NXN: variants seen among roughly 807,000 people sequenced by gnomAD.
The protein encoded by NXN is nucleoredoxin.
NXN carries 16 observed loss-of-function variants against 48.6 expected under a neutral mutation model. That is an observed-to-expected ratio of 0.33 (90% CI 0.22 to 0.50). NXN has a LOEUF of 0.50. Ranked by LOEUF, NXN falls within the 20% of genes least tolerant of loss-of-function variation. The probability of loss-of-function intolerance (pLI) is 0.98; values close to 1 mark genes in which losing one functional copy is unlikely to be tolerated. For missense variants in NXN, 492 were observed against 605.5 expected, an observed-to-expected ratio of 0.81 and a Z score of 1.97; for synonymous variants, 281 against 269.6, an observed-to-expected ratio of 1.04 and a Z score of -0.41.
At position 800,794 on chromosome 17, in the gene NXN, C is replaced by T. The variant is rs1911159587; in HGVS notation, c.*155G>A. The T allele has an allele frequency of 9.0e-6, 4 of 444,008 alleles. No homozygotes were observed. Among genetic ancestry groups the T allele is most frequent in the East Asian group, 7.1e-5 (2 of 28,198 alleles). 27.5% of individuals were successfully genotyped at this position (444,008 alleles called of 1,614,324 possible). On this transcript the variant is annotated 3_prime_UTR_variant, in exon 8 of 8. Transcript: ENST00000336868. ...CTGATTCCACACCCCAGGGTGCTGG[C>T]TGAGGAGTTTACTGCAGAAACAAGG... is the stretch of plus-strand genomic sequence containing the variant.
chr17:856,679 G>C (rs571662991), intron 1 of NXN, among the ~76,000 whole-genome samples: 2 of 151,786 alleles, frequency 1.3e-5, no homozygotes, highest in Admixed American at 1.3e-4. Flanking sequence ...TAGTAGAGAC[G>C]GGGTTTCTCC....
At chr17:865,973 ACT>A (rs1402889639) in intron 1 of NXN, among the ~76,000 whole-genome samples, 1 of 151,306 alleles carries the variant, frequency 6.6e-6, no homozygotes, top group African/African-American at 2.4e-5. Context: ...ACAGAGCAAG[ACT>A]CTATCTCAAA....
At position 919,343 on chromosome 17, in the gene NXN, C is replaced by T. The variant is rs1461306542; in HGVS notation, c.360+59976G>A. ...GTGCCACTGTACTCCAGCCTGGTGA[C>T]AGAGTGAGACTCTGTCTCAAAACAA... is the stretch of plus-strand genomic sequence containing the variant. On this transcript the variant is annotated intron_variant, in intron 1 of 7. Transcript: ENST00000336868. The surrounding 1 kb of genome is among the most constrained non-coding windows in gnomAD (Gnocchi z 5.1). 2.0e-5 allele frequency among the ~76,000 whole-genome samples: 3 copies of T among 151,672 alleles called. No individual in the cohort carries two copies. Among genetic ancestry groups the T allele is most frequent in the East Asian group, 2.0e-4 (1 of 5,072 alleles).
At chr17:805,018 T>G in intron 6 of NXN, 50 bp downstream of exon 6, 8 of 1,517,942 alleles carry the variant, frequency 5.3e-6, no homozygotes, top group Non-Finnish European at 7.1e-6. Flanking sequence ...AGGCCCCTCC[T>G]GTCCCGCCCC....
intron 1 of NXN, among the ~76,000 whole-genome samples, chr17:895,616 T>A (rs574625403): frequency 8.8e-5 from 13 of 147,604 alleles, no homozygotes; most frequent in African/African-American, 1.8e-4. Context: ...ATCAAGACCA[T>A]CCTGGCTAAC....
At position 806,135 on chromosome 17, in the gene NXN, C is replaced by T. The variant is rs937535145; in HGVS notation, c.821-888G>A. Among the ~76,000 whole-genome samples, 73 of 138,714 alleles carry T rather than the reference C, an allele frequency of 5.3e-4. 1 individual carries two copies. Among genetic ancestry groups the T allele is most frequent in the African/African-American group, 2.0e-3 (71 of 35,400 alleles). 91.0% of individuals were successfully genotyped at this position (138,714 alleles called of 152,430 possible). ...CAGCCCCCGCCGTCTGCACCCCAGC[C>T]CTCCCCGCTCCCCAGGGCTGCAGCC... On this transcript the variant is annotated intron_variant, in intron 5 of 7. Coordinates refer to ENST00000336868, the MANE Select transcript of NXN (RefSeq NM_022463.5).
chr17:847,294 T>TA (rs1322026410), intron 1 of NXN, among the ~76,000 whole-genome samples: 1 of 152,000 alleles, frequency 6.6e-6, no homozygotes, highest in African/African-American at 2.4e-5. Flanking sequence ...TGCCCAGTTA[T>TA]AAACCCCGTG....
chr17:957,355 C>T lies in NXN; in HGVS notation c.360+21964G>A, dbSNP rs369649073. Among the ~76,000 whole-genome samples the T allele has an allele frequency of 5.5e-4, 83 of 151,612 alleles. 1 individual carries two copies. Among genetic ancestry groups the T allele is most frequent in the Admixed American group, 3.8e-3 (58 of 15,272 alleles). The stretch of plus-strand genomic sequence containing the variant: ...GCTGATAGAAAATGCATTTCTGGGC[C>T]GGGCGCAGGGGCTCACTTCGGCCAT... On this transcript the variant is annotated intron_variant, in intron 1 of 7. Coordinates refer to ENST00000336868, the MANE Select transcript of NXN (RefSeq NM_022463.5).
At chr17:895,612 A>T (rs1438085465) in intron 1 of NXN, among the ~76,000 whole-genome samples, 2 of 149,602 alleles carry the variant, frequency 1.3e-5, no homozygotes, top group East Asian at 2.0e-4. Flanking sequence ...GGAGATCAAG[A>T]CCATCCTGGC....
intron 1 of NXN, among the ~76,000 whole-genome samples, chr17:923,132 T>C (rs1311147414): frequency 6.6e-6 from 1 of 152,064 alleles, no homozygotes; most frequent in East Asian, 1.9e-4. Flanking sequence ...GGACTTCTCT[T>C]TGCCTTAGGG....
intron 1 of NXN, among the ~76,000 whole-genome samples, chr17:944,188 G>A (rs558686535): frequency 2.6e-5 from 4 of 152,098 alleles, no homozygotes; most frequent in South Asian, 2.1e-4. Context: ...GCAGTGAGCC[G>A]AGATGGCGCC....
chr17:842,603 C>G, intron 1 of NXN: 1 of 982,920 alleles, frequency 1.0e-6, no homozygotes, highest in Non-Finnish European at 1.2e-6. Context: ...TTCCAGGAGT[C>G]ACTCCCCAGG....
intron 1 of NXN, among the ~76,000 whole-genome samples, chr17:883,706 G>A (rs537094884): frequency 6.6e-6 from 1 of 152,346 alleles, no homozygotes; most frequent in African/African-American, 2.4e-5. Flanking sequence ...CAGAAGCCAC[G>A]GGGCAGGACT....
At chr17:906,520 C>G (rs1049443331) in intron 1 of NXN, among the ~76,000 whole-genome samples, 1 of 151,672 alleles carries the variant, frequency 6.6e-6, no homozygotes, top group African/African-American at 2.4e-5. Context: ...TGTCTCGAGG[C>G]TCATGTATTA....
At chr17:867,664 C>T (rs547577703) in intron 1 of NXN, among the ~76,000 whole-genome samples, 1 of 152,102 alleles carries the variant, frequency 6.6e-6, no homozygotes, top group Non-Finnish European at 1.5e-5. Context: ...GGTGGCTCTT[C>T]CCTGTAATCC....
intron 1 of NXN, among the ~76,000 whole-genome samples, chr17:883,800 G>A (rs529157886): frequency 3.3e-5 from 5 of 152,224 alleles, no homozygotes; most frequent in South Asian, 2.1e-4. Flanking sequence ...AGGCCCAGGT[G>A]CGGTGCTTAC....
At chr17:802,483 G>A (rs553584376) in intron 7 of NXN, among the ~76,000 whole-genome samples, 36 of 152,320 alleles carry the variant, frequency 2.4e-4, no homozygotes, top group Middle Eastern at 3.4e-3. Flanking sequence ...TGTGCCTGGC[G>A]TACAGAAAAC....
chr17:875,092 C>T (rs1406793435), intron 1 of NXN, among the ~76,000 whole-genome samples: 1 of 151,612 alleles, frequency 6.6e-6, no homozygotes, highest in African/African-American at 2.4e-5. Context: ...AGCGCAGTGG[C>T]ACAATCTCAG....
intron 1 of NXN, among the ~76,000 whole-genome samples, chr17:899,109 C>G (rs987018435): frequency 6.6e-6 from 1 of 151,974 alleles, no homozygotes; most frequent in Non-Finnish European, 1.5e-5. Context: ...AGGCACCCAC[C>G]ACCATGCACA....
Sources: allele counts gnomAD v4.1 joint callset (sites outside exome capture counted in the v4.1 genomes callset), GRCh38; gene constraint gnomAD v4.1.1; non-coding constraint Gnocchi (gnomAD v3.1); transcripts MANE v1.5; gene names NCBI Gene and HGNC (gene_info 2026-07-23, HGNC 2026-07-21).